Variants in GRID2 observed in about 807,000 individuals in gnomAD.
GRID2 encodes the protein glutamate ionotropic receptor delta type subunit 2.
A neutral mutation model predicts 114.8 loss-of-function variants in GRID2; 33 were observed. That is an observed-to-expected ratio of 0.29 (90% confidence interval 0.22 to 0.38). The LOEUF (loss-of-function observed/expected upper bound fraction) is 0.38, where lower values mean the gene tolerates loss of function less well. Ranked by LOEUF, GRID2 falls within the 10% of genes least tolerant of loss-of-function variation. The probability of loss-of-function intolerance (pLI) is 1.00; values close to 1 mark genes in which losing one functional copy is unlikely to be tolerated. For synonymous variants in GRID2, 505 were observed against 449.9 expected, an observed-to-expected ratio of 1.12 and a Z score of -1.55; for missense variants, 1,184 against 1,257.7, an observed-to-expected ratio of 0.94 and a Z score of 0.89.
chr4:93,496,963 T>C (rs1727612908), intron 12 of GRID2, among the ~76,000 whole-genome samples: 1 of 151,838 alleles, frequency 6.6e-6, no homozygotes, highest in African/African-American at 2.4e-5. Context: ...CCTACTAATT[T>C]CCAGAGTGGC....
intron 2 of GRID2, among the ~76,000 whole-genome samples, chr4:92,683,232 G>A (rs560892982): frequency 2.0e-5 from 3 of 151,168 alleles, no homozygotes; most frequent in Non-Finnish European, 2.9e-5. Flanking sequence ...CCAGAAGGCG[G>A]AGCTTGCAGT....
At chr4:92,841,305 T>C (rs1399641667) in intron 2 of GRID2, among the ~76,000 whole-genome samples, 1 of 152,072 alleles carries the variant, frequency 6.6e-6, no homozygotes, top group Non-Finnish European at 1.5e-5. Flanking sequence ...CAAATATATA[T>C]TTTTTCAACA....
At chr4:92,517,988 G>A (rs1724586810) in intron 1 of GRID2, among the ~76,000 whole-genome samples, 2 of 151,854 alleles carry the variant, frequency 1.3e-5, no homozygotes, top group Non-Finnish European at 2.9e-5. Flanking sequence ...GAGGTAAAGT[G>A]TTTTCTCATC....
intron 8 of GRID2, among the ~76,000 whole-genome samples, chr4:93,386,549 T>G (rs1420656562): frequency 6.6e-6 from 1 of 152,130 alleles, no homozygotes; most frequent in African/African-American, 2.4e-5. Flanking sequence ...TAAGCTTTTA[T>G]TCCACTTACT....
intron 2 of GRID2, among the ~76,000 whole-genome samples, chr4:92,853,668 T>C (rs2149425854): frequency 6.6e-6 from 1 of 152,132 alleles, no homozygotes; most frequent in East Asian, 1.9e-4. Context: ...TATTTTTGAG[T>C]GAATTTAACT....
chr4:92,557,461 T>C (rs1275863412), intron 1 of GRID2, among the ~76,000 whole-genome samples: 1 of 151,314 alleles, frequency 6.6e-6, no homozygotes, highest in African/African-American at 2.4e-5. Context: ...ACAACATAAA[T>C]TTAACTTCTC....
intron 2 of GRID2, among the ~76,000 whole-genome samples, chr4:92,994,587 G>A (rs1210980438): frequency 6.6e-6 from 1 of 152,100 alleles, no homozygotes; most frequent in African/African-American, 2.4e-5. Flanking sequence ...GCCTCCCAAA[G>A]TGCTGAGATT....
At chr4:92,815,914 CAAAAAAAA>C (rs5860292) in intron 2 of GRID2, among the ~76,000 whole-genome samples, 2 of 46,862 alleles carry the variant, frequency 4.3e-5, no homozygotes, top group Non-Finnish European at 7.2e-5. Context: ...GACCCTGTCT[CAAAAAAAA>C]AAAAAAAAAA....
At chr4:92,924,302 T>C (rs1411624651) in intron 2 of GRID2, among the ~76,000 whole-genome samples, 1 of 151,856 alleles carries the variant, frequency 6.6e-6, no homozygotes, top group Non-Finnish European at 1.5e-5. Flanking sequence ...TAATGTTAAA[T>C]GACGAGTTAA....
chr4:92,392,874 A>T (rs1560603722), intron 1 of GRID2, among the ~76,000 whole-genome samples: 3 of 152,214 alleles, frequency 2.0e-5, no homozygotes, highest in African/African-American at 4.8e-5. Flanking sequence ...TTTATTTTGA[A>T]CATAGTGCCA....
At chr4:92,953,531 A>G (rs1210617268) in intron 2 of GRID2, among the ~76,000 whole-genome samples, 3 of 152,042 alleles carry the variant, frequency 2.0e-5, no homozygotes, top group Non-Finnish European at 4.4e-5. Context: ...TTAATATTAT[A>G]TTTTCTCTTT....
intron 1 of GRID2, among the ~76,000 whole-genome samples, chr4:92,315,111 T>C (rs1178133979): frequency 1.3e-5 from 2 of 152,156 alleles, no homozygotes; most frequent in East Asian, 3.8e-4. Context: ...AGTATTAATA[T>C]AACCATAAGT....
At chr4:93,559,192 TA>T (rs1213595000) in intron 13 of GRID2, among the ~76,000 whole-genome samples, 1 of 152,092 alleles carries the variant, frequency 6.6e-6, no homozygotes, top group Admixed American at 6.6e-5. Context: ...ACTTCATGAC[TA>T]AAACACCAAA....
In GRID2 at chr4:93,150,852, C is replaced by T. The variant is rs905215253; in HGVS notation, c.735+39899C>T. Among the ~76,000 whole-genome samples the T allele has an allele frequency of 8.9e-4, 136 of 152,016 alleles. 1 individual carries two copies. The highest frequency in any genetic ancestry group is 3.2e-3 in the African/African-American group (134 of 41,470). Reference sequence around the variant, plus strand: ...CACAGAAATACAGTCAGAGGTCGGGCGCGGTGGCTCTCGCCTGTAATCCCA... The same window carrying T: ...CACAGAAATACAGTCAGAGGTCGGGTGCGGTGGCTCTCGCCTGTAATCCCA... On this transcript the variant is annotated intron_variant, in intron 4 of 15. Transcript: ENST00000282020.
intron 2 of GRID2, among the ~76,000 whole-genome samples, chr4:92,701,550 G>A (rs1388764362): frequency 6.6e-6 from 1 of 152,084 alleles, no homozygotes. Flanking sequence ...GTTTAGCCAC[G>A]ATGATAAGGA....
rs371209786 is a variant in GRID2 at position 92,449,676 on chromosome 4, GATATATATATATATATATATAT to G, written c.89-140441_89-140420del. Among the ~76,000 whole-genome samples, 6 of 96,746 alleles carry G rather than the reference GATATATATATATATATATATAT, an allele frequency of 6.2e-5. 1 individual carries two copies. The highest frequency in any genetic ancestry group is 2.8e-4 in the East Asian group (1 of 3,530). The allele number at this position is 96,746 out of a possible 152,430, so 63.5% of individuals were successfully genotyped here. ...TCAAATATGTCTATCTTTTCTTACT[GATATATATATATATATATATAT>G]ATATATATATATAACACTTAAGCCA... is the stretch of plus-strand genomic sequence containing the variant. On this transcript the variant is annotated intron_variant, in intron 1 of 15. Coordinates refer to ENST00000282020, the MANE Select transcript of GRID2 (RefSeq NM_001510.4).
chr4:92,750,803 C>T (rs1737415460), intron 2 of GRID2, among the ~76,000 whole-genome samples: 1 of 152,136 alleles, frequency 6.6e-6, no homozygotes, highest in African/African-American at 2.4e-5. Flanking sequence ...TTTTGAATAG[C>T]AGCAATAATT....
intron 2 of GRID2, among the ~76,000 whole-genome samples, chr4:92,674,252 C>T (rs1432920176): frequency 6.6e-6 from 1 of 152,082 alleles, no homozygotes; most frequent in Non-Finnish European, 1.5e-5. Context: ...TCCTCTAGGA[C>T]TTCATTACGA....
chr4:93,755,363 G>A (rs1732654567), intron 14 of GRID2, among the ~76,000 whole-genome samples: 1 of 152,130 alleles, frequency 6.6e-6, no homozygotes, highest in Admixed American at 6.6e-5. Flanking sequence ...TTGTGAAGTA[G>A]AGCAGTAACA....
Sources: gnomAD v4.1 joint callset for allele counts (sites outside exome capture counted in the v4.1 genomes callset) on GRCh38, gnomAD v4.1.1 for gene constraint, MANE v1.5 for transcripts, NCBI Gene and HGNC (gene_info 2026-07-23, HGNC 2026-07-21) for gene names.